TAFA5: variants seen among roughly 807,000 people sequenced by gnomAD.
The protein encoded by TAFA5 is chemokine-like protein TAFA-5.
TAFA5 carries 6 observed loss-of-function variants against 15.3 expected under a neutral mutation model. The ratio of observed to expected loss-of-function variants is 0.39; its 90% CI spans 0.21 to 0.77. TAFA5 has a LOEUF of 0.77. Among genes scored for constraint, TAFA5 ranks in the 30% least tolerant of loss-of-function variants. The pLI is 0.41. For missense variants in TAFA5, 161 were observed against 193.1 expected (o/e 0.83, Z 0.98); for synonymous variants, 103 against 80.7 (o/e 1.28, Z -1.48).
At chr22:48,666,582 G>A (rs1017164433) in intron 2 of TAFA5, among the ~76,000 whole-genome samples, 1 of 72,462 alleles carries the variant, frequency 1.4e-5, no homozygotes, top group Non-Finnish European at 2.9e-5. Flanking sequence ...GTGACCTGGT[G>A]ATACTGAGTG....
intron 3 of TAFA5, among the ~76,000 whole-genome samples, chr22:48,748,235 A>G (rs1390002902): frequency 2.0e-5 from 3 of 152,240 alleles, no homozygotes; most frequent in African/African-American, 4.8e-5. Context: ...TGTGATGGCA[A>G]GCTCACTCTG....
Position 48,552,562 on chromosome 22 carries a change from C to T in TAFA5, c.112+62858C>T, listed in dbSNP as rs1235088259. On this transcript the variant is annotated intron_variant, in intron 1 of 3. Coordinates refer to ENST00000402357, the MANE Select transcript of TAFA5 (RefSeq NM_001082967.3). The surrounding 1 kb of genome is among the most constrained non-coding windows in gnomAD (Gnocchi z 4.1). ...CTTCACAGCCCGGCGGAACCCACGC[C>T]CATGCCCAGCTCTGCCTAAATGGAT... is the stretch of plus-strand genomic sequence containing the variant. Among the ~76,000 whole-genome samples the T allele has an allele frequency of 2.0e-5, 3 of 152,124 alleles. No individual in the cohort carries two copies. The highest frequency in any genetic ancestry group is 2.9e-5 in the Non-Finnish European group (2 of 68,024).
At chr22:48,616,690 C>T (rs1293160674) in intron 1 of TAFA5, among the ~76,000 whole-genome samples, 1 of 151,510 alleles carries the variant, frequency 6.6e-6, no homozygotes, top group Non-Finnish European at 1.5e-5. Context: ...AAAACTTCTT[C>T]CTGCCTATCC....
intron 1 of TAFA5, among the ~76,000 whole-genome samples, chr22:48,613,706 G>C (rs115448396): frequency 6.6e-6 from 1 of 152,214 alleles, no homozygotes; most frequent in Non-Finnish European, 1.5e-5. Flanking sequence ...GCCTTTCCCC[G>C]GCTGCCCTTG....
intron 1 of TAFA5, among the ~76,000 whole-genome samples, chr22:48,629,038 G>A (rs950258147): frequency 6.6e-5 from 10 of 152,174 alleles, no homozygotes; most frequent in South Asian, 2.1e-4. Flanking sequence ...CGCAGCTGCC[G>A]GGCAGAGGGG....
chr22:48,593,667 G>A (rs932571740), intron 1 of TAFA5, among the ~76,000 whole-genome samples: 3 of 152,170 alleles, frequency 2.0e-5, no homozygotes, highest in Non-Finnish European at 4.4e-5. Context: ...CCTTCTCACC[G>A]CGCGCTCGGG....
chr22:48,519,694 C>T (rs1328847450), intron 1 of TAFA5, among the ~76,000 whole-genome samples: 1 of 152,162 alleles, frequency 6.6e-6, no homozygotes, highest in Non-Finnish European at 1.5e-5. Flanking sequence ...CTTCTTGGAG[C>T]CCTGGGCTCC....
At chr22:48,746,096 C>G (rs1037231395) in intron 3 of TAFA5, among the ~76,000 whole-genome samples, 2 of 152,018 alleles carry the variant, frequency 1.3e-5, no homozygotes, top group East Asian at 3.9e-4. Context: ...AAGGAAAGGG[C>G]GTGTGTCCCC....
chr22:48,589,986 CG>C (rs1452967349), intron 1 of TAFA5, among the ~76,000 whole-genome samples: 2 of 149,768 alleles, frequency 1.3e-5, no homozygotes, highest in African/African-American at 2.5e-5. Flanking sequence ...TTGCAGCCGA[CG>C]TGTGTGTGTG....
chr22:48,533,063 G>A (rs558609752), intron 1 of TAFA5, among the ~76,000 whole-genome samples: 1 of 152,148 alleles, frequency 6.6e-6, no homozygotes, highest in African/African-American at 2.4e-5. Context: ...GCTGACAGGT[G>A]CGGGCGGAGG....
intron 1 of TAFA5, among the ~76,000 whole-genome samples, chr22:48,583,911 C>G: frequency 7.0e-6 from 1 of 141,882 alleles, no homozygotes; most frequent in Non-Finnish European, 1.5e-5. Context: ...CAAAATAAAC[C>G]TCATACACCA....
At position 48,552,964 on chromosome 22, in the gene TAFA5, G is replaced by A. The variant is rs77053124; in HGVS notation, c.112+63260G>A. Reference sequence around the variant, plus strand: ...CCTGGGGCTGATCTGAGGGGGGCTCGTCCCCAACCACCTGGTCACAGGCAG... The same window carrying A: ...CCTGGGGCTGATCTGAGGGGGGCTCATCCCCAACCACCTGGTCACAGGCAG... On this transcript the variant is annotated intron_variant, in intron 1 of 3. Coordinates refer to ENST00000402357, the MANE Select transcript of TAFA5 (RefSeq NM_001082967.3). The surrounding 1 kb of genome is among the most constrained non-coding windows in gnomAD (Gnocchi z 4.1). Among the ~76,000 whole-genome samples, 178 of 152,192 alleles carry A rather than the reference G, an allele frequency of 1.2e-3. No individual in the cohort carries two copies. Among genetic ancestry groups the A allele is most frequent in the African/African-American group, 3.9e-3 (164 of 41,532 alleles).
intron 1 of TAFA5, among the ~76,000 whole-genome samples, chr22:48,542,312 GTA>G: frequency 2.2e-5 from 3 of 135,878 alleles, no homozygotes; most frequent in Non-Finnish European, 4.7e-5. Context: ...TGTGTAGTGT[GTA>G]TGTGTGTGTG....
intron 2 of TAFA5, among the ~76,000 whole-genome samples, chr22:48,665,557 T>C (rs79404120): frequency 0.12 from 17,485 of 151,790 alleles, 1,261 homozygotes; most frequent in Non-Finnish European, 0.16. Flanking sequence ...TTAAGTTCCA[T>C]GTGGTATGAG....
At chr22:48,734,523 C>G (rs368760028) in intron 3 of TAFA5, among the ~76,000 whole-genome samples, 1 of 152,170 alleles carries the variant, frequency 6.6e-6, no homozygotes, top group Non-Finnish European at 1.5e-5. Context: ...GGAGAGGAGC[C>G]GTCTGGGCTC....
At chr22:48,554,498 C>A (rs1922962453) in intron 1 of TAFA5, among the ~76,000 whole-genome samples, 3 of 152,030 alleles carry the variant, frequency 2.0e-5, no homozygotes, top group African/African-American at 7.2e-5. Flanking sequence ...TTTAGGGAGG[C>A]TTTGGAAATT....
chr22:48,687,914 A>T (rs1209554573), intron 2 of TAFA5, among the ~76,000 whole-genome samples: 2 of 152,168 alleles, frequency 1.3e-5, no homozygotes, highest in African/African-American at 4.8e-5. Flanking sequence ...TTTGGACATT[A>T]AAATTAAAAA....
At chr22:48,705,298 T>TG (rs1392540021) in intron 2 of TAFA5, among the ~76,000 whole-genome samples, 1 of 152,114 alleles carries the variant, frequency 6.6e-6, no homozygotes, top group Non-Finnish European at 1.5e-5. Context: ...TCCTCTGCCG[T>TG]GGGTGCTGTG....
In TAFA5 at chr22:48,646,846, G is replaced by A. The variant is rs1332325338; in HGVS notation, c.262+100G>A. ...GCCCCTTACCTGAAGGTCCCCCTAGGCCTCAGCGCATCCTCGGGTCAGGCC... is the reference window on the plus strand; with the variant it reads ...GCCCCTTACCTGAAGGTCCCCCTAGACCTCAGCGCATCCTCGGGTCAGGCC... On this transcript the variant is annotated intron_variant, in intron 2 of 3. Transcript: ENST00000402357. 5 of 1,393,766 alleles carry A rather than the reference G, an allele frequency of 3.6e-6. No individual in the cohort carries two copies. In the East Asian group the frequency reaches 1.0e-4, roughly 28 times the overall value. 86.3% of individuals were successfully genotyped at this position (1,393,766 alleles called of 1,614,324 possible).
Sources: gnomAD v4.1 joint callset for allele counts (sites outside exome capture counted in the v4.1 genomes callset) on GRCh38, gnomAD v4.1.1 for gene constraint, Gnocchi (gnomAD v3.1) non-coding constraint, MANE v1.5 for transcripts, NCBI Gene and HGNC (gene_info 2026-07-23, HGNC 2026-07-21) for gene names.